The following ZFYVE28 variants were observed in gnomAD, a reference collection of about 807,000 sequenced individuals.
The protein encoded by ZFYVE28 is zinc finger FYVE-type containing 28.
In ZFYVE28, 40 loss-of-function variants were observed where a neutral mutation model predicts 82.1. That is an observed-to-expected ratio of 0.49 (90% CI 0.38 to 0.63). ZFYVE28 has a LOEUF of 0.63. Ranked by LOEUF, ZFYVE28 falls within the 30% of genes least tolerant of loss-of-function variation. The pLI, the probability that ZFYVE28 is intolerant of heterozygous loss-of-function variation, is 0.00. For missense variants in ZFYVE28, 1,321 were observed against 1,242.1 expected, an observed-to-expected ratio of 1.06 and a Z score of -0.96; for synonymous variants, 612 against 546.1, an observed-to-expected ratio of 1.12 and a Z score of -1.68.
At chr4:2,406,113 T>A (rs1276228439) in intron 1 of ZFYVE28, among the ~76,000 whole-genome samples, 2 of 150,446 alleles carry the variant, frequency 1.3e-5, no homozygotes, top group Non-Finnish European at 2.9e-5. Context: ...GGCACATGCC[T>A]GTAATCCCAG....
chr4:2,376,695 A>G (rs1728178268), intron 1 of ZFYVE28, among the ~76,000 whole-genome samples: 1 of 152,212 alleles, frequency 6.6e-6, no homozygotes, highest in Non-Finnish European at 1.5e-5. Context: ...ATTACGTCCC[A>G]TCAAGTCCCT....
intron 7 of ZFYVE28, among the ~76,000 whole-genome samples, chr4:2,313,390 A>G (rs1717764509): frequency 6.6e-6 from 1 of 152,002 alleles, no homozygotes; most frequent in Admixed American, 6.6e-5. Flanking sequence ...CCTCCCAAGT[A>G]GCTGGGACCA....
chr4:2,313,117 G>GTTT (rs984303342), intron 7 of ZFYVE28, among the ~76,000 whole-genome samples: 1 of 139,758 alleles, frequency 7.2e-6, no homozygotes, highest in Non-Finnish European at 1.6e-5. Context: ...GTTTTTCCAG[G>GTTT]TTTTTTTTTT....
At position 2,276,720 on chromosome 4, in the gene ZFYVE28, T is replaced by C. The variant is rs1736485970; in HGVS notation, c.2052-2504A>G. ...AACAACCCAGCTACCAAAGGATGCG[T>C]CCTGCTTGAGTCTCCGACACGAGGT... On this transcript the variant is annotated intron_variant, in intron 8 of 12. Coordinates refer to ENST00000290974, the MANE Select transcript of ZFYVE28 (RefSeq NM_020972.3). Among the ~76,000 whole-genome samples the C allele has an allele frequency of 3.9e-5, 6 of 152,038 alleles. No individual in the cohort carries two copies. In the South Asian group the frequency reaches 1.2e-3, roughly 32 times the overall value.
At chr4:2,317,347 T>C (rs542532816) in intron 7 of ZFYVE28, among the ~76,000 whole-genome samples, 23 of 152,286 alleles carry the variant, frequency 1.5e-4, no homozygotes, top group African/African-American at 5.3e-4. Flanking sequence ...ATCATAAAGG[T>C]TACAGATGAC....
At chr4:2,348,662 G>C (rs749247308) in intron 2 of ZFYVE28, among the ~76,000 whole-genome samples, 20 of 152,072 alleles carry the variant, frequency 1.3e-4, no homozygotes, top group Non-Finnish European at 2.2e-4. Flanking sequence ...GCTCTTCCTG[G>C]ACCAAATAAG....
chr4:2,313,156 A>T (rs1717731523), intron 7 of ZFYVE28, among the ~76,000 whole-genome samples: 1 of 150,498 alleles, frequency 6.6e-6, no homozygotes, highest in South Asian at 2.1e-4. Context: ...CTAAAGTCAG[A>T]GTACATATTA....
intron 1 of ZFYVE28, among the ~76,000 whole-genome samples, chr4:2,403,051 C>T (rs1215347797): frequency 1.3e-5 from 2 of 152,248 alleles, no homozygotes; most frequent in African/African-American, 4.8e-5. Flanking sequence ...CAATGCTGAC[C>T]TCTCTGACAA....
Position 2,335,155 on chromosome 4 carries a change from GC to G in ZFYVE28, c.701+549del, listed in dbSNP as rs1222523286. Among the ~76,000 whole-genome samples the G allele has an allele frequency of 8.6e-5, 13 of 151,796 alleles. No homozygotes were observed. Among genetic ancestry groups the G allele is most frequent in the African/African-American group, 3.1e-4 (13 of 41,406 alleles). On this transcript the variant is annotated intron_variant, in intron 6 of 12. Transcript: ENST00000290974. This position sits in a 1 kb window ranked among gnomAD's most constrained non-coding sequence, Gnocchi z 5.8. The stretch of plus-strand genomic sequence containing the variant: ...CTTGAGTTCCCTGCTCTCCCAGACG[GC>G]CCCGCTGGCAGGAAAGGTTCCACAC...
At chr4:2,387,735 G>A (rs575267232) in intron 1 of ZFYVE28, among the ~76,000 whole-genome samples, 1 of 152,348 alleles carries the variant, frequency 6.6e-6, no homozygotes, top group African/African-American at 2.4e-5. Flanking sequence ...ACAAAAAGAA[G>A]GGGGAAGTTA....
At position 2,409,041 on chromosome 4, in the gene ZFYVE28, G is replaced by A. The variant is rs1250855742; in HGVS notation, c.39+9244C>T. ...CCAACATGCCTGGGCATCTCGCAGTGGGGAGGTCTGCCTTTACGCGGTCTG... is the reference window on the plus strand; with the variant it reads ...CCAACATGCCTGGGCATCTCGCAGTAGGGAGGTCTGCCTTTACGCGGTCTG... On this transcript the variant is annotated intron_variant, in intron 1 of 12. Transcript: ENST00000290974. The surrounding 1 kb of genome is among the most constrained non-coding windows in gnomAD (Gnocchi z 4.4). Among the ~76,000 whole-genome samples the A allele has an allele frequency of 1.3e-5, 2 of 152,114 alleles. No homozygotes were observed. The highest frequency in any genetic ancestry group is 2.4e-5 in the African/African-American group (1 of 41,400).
intron 1 of ZFYVE28, among the ~76,000 whole-genome samples, chr4:2,366,269 G>A (rs1248789167): frequency 6.6e-6 from 1 of 152,200 alleles, no homozygotes; most frequent in Non-Finnish European, 1.5e-5. Flanking sequence ...TATTTAAAAT[G>A]CTTTTACAGC....
In ZFYVE28 at chr4:2,304,553, G is replaced by A. The variant is rs776262819; in HGVS notation, c.1787C>T (p.Ala596Val). 1 of 1,612,808 alleles carries A rather than the reference G, an allele frequency of 6.2e-7. No homozygotes were observed. Among genetic ancestry groups the A allele is most frequent in the Admixed American group, 1.7e-5 (1 of 59,990 alleles). ...SPGGVIGASY[A>V]AGLAKASDRA... is the part of the protein sequence containing the mutation. ...GTCGCTGGCCTTGGCTAAGCCGGCA[G>A]CGTACGAGGCACCAATGACGCCTCC... The change falls in exon 8 of 13, where the codon GCT (alanine) becomes GTT (valine). Residue 596 changes from alanine (A) to valine (V), a missense_variant. Physicochemically the swap from Ala to Val is moderately conservative, Grantham distance 64 (BLOSUM62 0). Transcript: ENST00000290974.
At chr4:2,340,974 TG>T (rs1234372986) in intron 3 of ZFYVE28, among the ~76,000 whole-genome samples, 1 of 150,166 alleles carries the variant, frequency 6.7e-6, no homozygotes, top group Non-Finnish European at 1.5e-5. Context: ...GTCCGCATGG[TG>T]GGGGCCTGGG....
rs1470420029 is a variant in ZFYVE28 at position 2,388,613 on chromosome 4, T to C, written c.39+29672A>G. The stretch of plus-strand genomic sequence containing the variant: ...AGAAAGGCTTTCAGAGGAAGGAACA[T>C]AGGAGAGCTTAGGAGAACATAAGGA... On this transcript the variant is annotated intron_variant, in intron 1 of 12. Transcript: ENST00000290974. 2.6e-5 allele frequency among the ~76,000 whole-genome samples: 4 copies of C among 152,022 alleles called. No individual in the cohort carries two copies. The East Asian group carries it at 7.7e-4, about 29-fold the overall frequency.
At chr4:2,395,822 G>T (rs1191149179) in intron 1 of ZFYVE28, among the ~76,000 whole-genome samples, 1 of 152,208 alleles carries the variant, frequency 6.6e-6, no homozygotes, top group African/African-American at 2.4e-5. Flanking sequence ...CTCACAGGAG[G>T]CGGCGGGACT....
intron 8 of ZFYVE28, among the ~76,000 whole-genome samples, chr4:2,288,040 C>A (rs1713027677): frequency 2.6e-5 from 4 of 152,304 alleles, no homozygotes; most frequent in Admixed American, 6.5e-5. Context: ...TCTGGCCGGG[C>A]CCTATCGAGG....
chr4:2,293,162 G>C (rs1713996221), intron 8 of ZFYVE28, among the ~76,000 whole-genome samples: 1 of 151,152 alleles, frequency 6.6e-6, no homozygotes, highest in Non-Finnish European at 1.5e-5. Flanking sequence ...TATTTGAGAA[G>C]ATGAAGGTCA....
rs928450220 is a variant in ZFYVE28, at chr4:2,334,920, C to A, written c.701+785G>T. 2.1e-5 allele frequency among the ~76,000 whole-genome samples: 3 copies of A among 144,346 alleles called. No homozygotes were observed. In the Admixed American group the frequency reaches 2.1e-4, roughly 10 times the overall value. 94.7% of individuals were successfully genotyped at this position (144,346 alleles called of 152,430 possible). On this transcript the variant is annotated intron_variant, in intron 6 of 12. Coordinates refer to ENST00000290974, the MANE Select transcript of ZFYVE28 (RefSeq NM_020972.3). The stretch of plus-strand genomic sequence containing the variant: ...TGTGGTCCACTCACTCCTCCGCCCC[C>A]GTGACCATCCGCCTGGCAGGGGCAT...
Sources: allele counts gnomAD v4.1 joint callset (sites outside exome capture counted in the v4.1 genomes callset), GRCh38; gene constraint gnomAD v4.1.1; non-coding constraint Gnocchi (gnomAD v3.1); transcripts MANE v1.5; gene names NCBI Gene and HGNC (gene_info 2026-07-23, HGNC 2026-07-21).